The following RMDN1 variants were observed in gnomAD, a reference collection of about 807,000 sequenced individuals.
RMDN1 encodes the protein regulator of microtubule dynamics 1.
RMDN1 carries 48 observed loss-of-function variants against 48.9 expected under a neutral mutation model. The observed-to-expected ratio is 0.98, with a 90% confidence interval of 0.78 to 1.25. The LOEUF (loss-of-function observed/expected upper bound fraction) is 1.25. Among genes scored for constraint, RMDN1 ranks in the 50% most tolerant of loss-of-function variants. The pLI, the probability that RMDN1 is intolerant of heterozygous loss-of-function variation, is 0.00. For missense variants in RMDN1, 418 were observed against 373.4 expected (o/e 1.12, Z -0.98); for synonymous variants, 148 against 132.6 (o/e 1.12, Z -0.80).
chr8:86,474,840 G>A lies in RMDN1; in HGVS notation c.874C>T (p.His292Tyr), dbSNP rs1780728160. 6.2e-7 allele frequency: 1 copy of A among 1,612,078 alleles called. No homozygotes were observed. Among genetic ancestry groups the A allele is most frequent in the South Asian group, 1.1e-5 (1 of 90,630 alleles). ...WLMKAKDYPA[H>Y]TEEDKQIQTE... ...TTTACCTGTTTATCCTCCTCTGTGT[G>A]TGCTGGATAGTCCTTGGCTTTCATT... Residue 292 changes from histidine (H) to tyrosine (Y), a missense_variant, in exon 9 of 10, where the codon CAC becomes TAC. His to Tyr is a moderately conservative substitution (Grantham distance 83). Transcript: ENST00000406452.
downstream of RMDN1, chr8:86,472,264 A>G: frequency 3.3e-6 from 2 of 604,178 alleles, no homozygotes; most frequent in East Asian, 2.8e-5. Flanking sequence ...TTCGTGCTCC[A>G]TAATTCAAAA....
intron 7 of RMDN1, 185 bp downstream of exon 7, chr8:86,478,738 G>A (rs868403697): frequency 3.5e-6 from 2 of 574,320 alleles, no homozygotes; most frequent in African/African-American, 1.9e-5. Flanking sequence ...ACCTAACGGG[G>A]AAAAAGAAAA....
At chr8:86,500,239 C>T (rs940650891) in intron 2 of RMDN1, among the ~76,000 whole-genome samples, 1 of 152,114 alleles carries the variant, frequency 6.6e-6, no homozygotes, top group Admixed American at 6.5e-5. Context: ...GTTTCTTAAA[C>T]AGACAACCTA....
At chr8:86,504,545 T>C in intron 2 of RMDN1, 1 of 1,359,300 alleles carries the variant, frequency 7.4e-7, no homozygotes, top group Non-Finnish European at 1.1e-6. Flanking sequence ...TTCACTGTAG[T>C]TTCCCTATTT....
downstream of RMDN1, chr8:86,468,531 T>C: frequency 2.4e-6 from 1 of 411,530 alleles, no homozygotes; most frequent in Middle Eastern, 3.6e-4. Context: ...AGTATTAGAA[T>C]TACAAATGGT....
In RMDN1 at chr8:86,472,819, G is replaced by A. The variant is rs937156160; in HGVS notation, c.*1489C>T. 2.2e-5 allele frequency: 5 copies of A among 231,152 alleles called. No individual in the cohort carries two copies. The highest frequency in any genetic ancestry group is 1.1e-4 in the African/African-American group (5 of 44,278). The allele number at this position is 231,152 out of a possible 1,614,324, so 14.3% of individuals were successfully genotyped here. ...AACCAACCACAAATTACCCACATGA[G>A]TGGCTGAGATAATGACACCTTTGCT... On this transcript the variant is annotated 3_prime_UTR_variant, in exon 10 of 10. Coordinates refer to ENST00000406452, the MANE Select transcript of RMDN1 (RefSeq NM_016033.3).
At chr8:86,505,192 C>T (rs1290130496) in intron 2 of RMDN1, 1 of 855,678 alleles carries the variant, frequency 1.2e-6, no homozygotes, top group African/African-American at 1.8e-5. Flanking sequence ...TTATCCCACG[C>T]ACTCCATGCG....
At chr8:86,514,314 A>G (rs903190591) in exon 1 of RMDN1, 1 of 975,026 alleles carries the variant, frequency 1.0e-6, no homozygotes, top group Non-Finnish European at 1.2e-6. Context: ...CCTACTGGCA[A>G]GGAGCTGACA....
chr8:86,482,131 G>A, intron 5 of RMDN1: 1 of 536,418 alleles, frequency 1.9e-6, no homozygotes, highest in Non-Finnish European at 3.3e-6. Flanking sequence ...GCCAGGCACG[G>A]TGGCTTATGC....
upstream of RMDN1, among the ~76,000 whole-genome samples, chr8:86,511,345 G>C (rs1264543959): frequency 2.0e-5 from 3 of 150,694 alleles, no homozygotes; most frequent in Non-Finnish European, 4.4e-5. Flanking sequence ...GTGGTGGCGG[G>C]TGCCTGTAGT....
At chr8:86,479,063 TA>T in intron 6 of RMDN1, 53 bp from the exon 7 acceptor site, 1 of 1,281,642 alleles carries the variant, frequency 7.8e-7, no homozygotes, top group Non-Finnish European at 1.1e-6. Context: ...TCTTTTCTCT[TA>T]AAGTTAACTA....
chr8:86,469,421 T>C (rs1167259598), downstream of RMDN1, among the ~76,000 whole-genome samples: 1 of 152,126 alleles, frequency 6.6e-6, no homozygotes, highest in African/African-American at 2.4e-5. Flanking sequence ...GCTTTGGGCA[T>C]ACCTGAGTGG....
downstream of RMDN1, among the ~76,000 whole-genome samples, chr8:86,471,310 T>G (rs954403085): frequency 2.0e-5 from 3 of 152,078 alleles, no homozygotes; most frequent in African/African-American, 4.8e-5. Context: ...AAAATATTCT[T>G]GAACTAACCC....
At chr8:86,478,849 CAT>C in intron 7 of RMDN1, 72 bp downstream of exon 7, 3 of 1,162,212 alleles carry the variant, frequency 2.6e-6, no homozygotes, top group South Asian at 1.2e-5. Flanking sequence ...CAGAGCTCCA[CAT>C]GTGTGAACAC....
chr8:86,492,945 G>T (rs1816742258), intron 2 of RMDN1, among the ~76,000 whole-genome samples: 1 of 150,694 alleles, frequency 6.6e-6, no homozygotes, highest in African/African-American at 2.4e-5. Flanking sequence ...GCATAAAGCA[G>T]ATCAAAAGAG....
At chr8:86,508,417 C>T in intron 1 of RMDN1, 75 bp downstream of exon 1, 1 of 1,446,074 alleles carries the variant, frequency 6.9e-7, no homozygotes. Context: ...GCGGGGCCGC[C>T]ACCACTTAAG....
At chr8:86,481,920 G>A (rs1417831920) in intron 5 of RMDN1, 13 of 782,274 alleles carry the variant, frequency 1.7e-5, no homozygotes, top group African/African-American at 5.3e-5. Flanking sequence ...GGCCAGACAC[G>A]AAGTGGAAAG....
intron 3 of RMDN1, 96 bp downstream of exon 3, chr8:86,488,456 A>T: frequency 1.7e-6 from 1 of 580,166 alleles, no homozygotes; most frequent in Non-Finnish European, 3.0e-6. Flanking sequence ...TACAATAATC[A>T]ATTTTTAAAA....
At chr8:86,484,735 A>AT in intron 5 of RMDN1, 137 bp downstream of exon 5, 3 of 465,972 alleles carry the variant, frequency 6.4e-6, no homozygotes, top group Admixed American at 3.9e-5. Context: ...AAAAAAAAAA[A>AT]GAAATAACAA....
Sources: gnomAD v4.1 joint callset for allele counts (sites outside exome capture counted in the v4.1 genomes callset) on GRCh38, gnomAD v4.1.1 for gene constraint, MANE v1.5 for transcripts, NCBI Gene and HGNC (gene_info 2026-07-23, HGNC 2026-07-21) for gene names.